The following CYP20A1 variants were observed in gnomAD, a reference collection of about 807,000 sequenced individuals.
CYP20A1 encodes cytochrome P450 20A1.
In CYP20A1, 61 loss-of-function variants were observed where a neutral mutation model predicts 61.4. The ratio of observed to expected loss-of-function variants is 0.99; its 90% CI spans 0.81 to 1.23. The LOEUF (loss-of-function observed/expected upper bound fraction) is 1.23. Among genes scored for constraint, CYP20A1 ranks in the 50% most tolerant of loss-of-function variants. CYP20A1 has a pLI of 0.00. For synonymous variants in CYP20A1, 193 were observed against 188.2 expected, an observed-to-expected ratio of 1.03 and a Z score of -0.21; for missense variants, 530 against 542.4, an observed-to-expected ratio of 0.98 and a Z score of 0.23.
chr2:203,280,340 C>T (rs925377815), intron 8 of CYP20A1, among the ~76,000 whole-genome samples: 5 of 152,060 alleles, frequency 3.3e-5, no homozygotes, highest in Admixed American at 6.6e-5. Context: ...GGATGAATCA[C>T]GAGGATGGAG....
In CYP20A1 at chr2:203,265,075, A is replaced by AT. The variant is rs575390545; in HGVS notation, c.433-1435dup. 3.4e-4 allele frequency among the ~76,000 whole-genome samples: 52 copies of AT among 152,104 alleles called. 1 individual carries two copies. The South Asian group carries it at 0.011, about 32-fold the overall frequency. On this transcript the variant is annotated intron_variant, in intron 4 of 12. Coordinates refer to ENST00000356079, the MANE Select transcript of CYP20A1 (RefSeq NM_177538.3). Reference sequence around the variant, plus strand: ...ATAATAAAATATTTTTGAGTATTCCATTTTCTCTGTTAGCTTATTAGTTAC... The same window carrying AT: ...ATAATAAAATATTTTTGAGTATTCCATTTTTCTCTGTTAGCTTATTAGTTAC...
intron 1 of CYP20A1, among the ~76,000 whole-genome samples, chr2:203,240,515 A>G (rs2066219317): frequency 1.3e-5 from 2 of 152,206 alleles, no homozygotes; most frequent in South Asian, 2.1e-4. Context: ...AACAAATAAC[A>G]TAGGATTGTG....
At chr2:203,268,151 A>G (rs2067411845) in intron 5 of CYP20A1, among the ~76,000 whole-genome samples, 1 of 152,086 alleles carries the variant, frequency 6.6e-6, no homozygotes, top group African/African-American at 2.4e-5. Flanking sequence ...TCCTCAAACC[A>G]TTTGAGAGTA....
intron 5 of CYP20A1, among the ~76,000 whole-genome samples, chr2:203,266,896 G>A (rs193237201): frequency 2.0e-5 from 3 of 152,042 alleles, no homozygotes; most frequent in Non-Finnish European, 1.5e-5. Context: ...CATGAGAATC[G>A]CTTGAACCTG....
chr2:203,246,661 C>T, intron 2 of CYP20A1, 94 bp from the exon 3 acceptor site: 1 of 1,129,434 alleles, frequency 8.9e-7, no homozygotes, highest in Non-Finnish European at 1.2e-6. Context: ...CCTTTGTTCT[C>T]ATTTATTGAT....
Position 203,251,968 on chromosome 2 carries a change from G to T in CYP20A1, c.291G>T (p.Ser97=). Residue 97 remains serine, a splice_region_variant and synonymous_variant, in exon 4 of 13, where the codon TCG becomes TCT. Coordinates refer to ENST00000356079, the MANE Select transcript of CYP20A1 (RefSeq NM_177538.3). ...LKQHINPNKT[S]DPFETMLKSL... Reference sequence around the variant, plus strand: ...AAATATTTAATTTGTCTGTTTCAGCGGACCCTTTTGAAACCATGCTGAAGT... The same window carrying T: ...AAATATTTAATTTGTCTGTTTCAGCTGACCCTTTTGAAACCATGCTGAAGT... 2 of 1,551,484 alleles carry T rather than the reference G, an allele frequency of 1.3e-6. No individual in the cohort carries two copies. The highest frequency in any genetic ancestry group is 1.2e-5 in the South Asian group (1 of 80,858).
rs911029643 is a variant in CYP20A1, at chr2:203,246,940, C to G, written c.289+19C>G. Reference sequence around the variant, plus strand: ...AAGACATGTAAGTTTAATTTTCTTTCTAATTACCTGATCCTTACCTTTTAA... The same window carrying G: ...AAGACATGTAAGTTTAATTTTCTTTGTAATTACCTGATCCTTACCTTTTAA... On this transcript the variant is annotated intron_variant, in intron 3 of 12. Transcript: ENST00000356079. 8 of 1,608,424 alleles carry G rather than the reference C, an allele frequency of 5.0e-6. No individual in the cohort carries two copies. In the African/African-American group the frequency reaches 9.4e-5, roughly 19 times the overall value.
intron 4 of CYP20A1, among the ~76,000 whole-genome samples, chr2:203,263,563 C>T (rs779422504): frequency 2.0e-5 from 3 of 152,164 alleles, no homozygotes; most frequent in Admixed American, 1.3e-4. Context: ...GCTGGAATTA[C>T]CGGCGTGAGC....
chr2:203,271,530 T>C (rs1559097940), intron 5 of CYP20A1, among the ~76,000 whole-genome samples: 1 of 152,188 alleles, frequency 6.6e-6, no homozygotes, highest in Non-Finnish European at 1.5e-5. Flanking sequence ...CTAAATTCTT[T>C]TTAGAACTTT....
At chr2:203,253,253 G>T (rs182109383) in intron 4 of CYP20A1, among the ~76,000 whole-genome samples, 2 of 152,136 alleles carry the variant, frequency 1.3e-5, no homozygotes, top group African/African-American at 4.8e-5. Context: ...TTGTCCTATA[G>T]CCCCTCTTTA....
At chr2:203,249,642 C>T (rs1242979601) in intron 3 of CYP20A1, among the ~76,000 whole-genome samples, 2 of 151,970 alleles carry the variant, frequency 1.3e-5, no homozygotes, top group East Asian at 1.9e-4. Flanking sequence ...GTCAGGAGTT[C>T]GAGACCAGCC....
intron 4 of CYP20A1, among the ~76,000 whole-genome samples, chr2:203,263,525 T>C (rs1368169171): frequency 6.6e-6 from 1 of 151,746 alleles, no homozygotes; most frequent in African/African-American, 2.4e-5. Context: ...CCTGACCTCA[T>C]GATCTGCCCG....
intron 11 of CYP20A1, among the ~76,000 whole-genome samples, chr2:203,293,759 C>T (rs140653782): frequency 6.6e-6 from 1 of 152,120 alleles, no homozygotes; most frequent in Admixed American, 6.6e-5. Flanking sequence ...TATGTCTTTA[C>T]GTCCTCATAC....
chr2:203,263,834 G>A (rs1361920854), intron 4 of CYP20A1, among the ~76,000 whole-genome samples: 1 of 152,000 alleles, frequency 6.6e-6, no homozygotes, highest in Admixed American at 6.6e-5. Flanking sequence ...CCTGCATATG[G>A]TTGTTTTTGG....
chr2:203,267,676 C>G (rs1401694732), intron 5 of CYP20A1, among the ~76,000 whole-genome samples: 1 of 151,790 alleles, frequency 6.6e-6, no homozygotes, highest in East Asian at 1.9e-4. Flanking sequence ...AACCCCGTCT[C>G]TACTAAAAAA....
intron 4 of CYP20A1, 44 bp from the exon 5 acceptor site, chr2:203,266,470 G>C: frequency 6.4e-7 from 1 of 1,554,026 alleles, no homozygotes. Flanking sequence ...CTGAGATTTA[G>C]AAAGAAGAAA....
At chr2:203,283,360 G>A (rs1489876105) in intron 8 of CYP20A1, among the ~76,000 whole-genome samples, 1 of 150,206 alleles carries the variant, frequency 6.7e-6, no homozygotes, top group African/African-American at 2.4e-5. Context: ...GGGACTACAG[G>A]CGCCCACTAC....
chr2:203,246,645 C>A, intron 2 of CYP20A1, 110 bp from the exon 3 acceptor site: 1 of 1,115,594 alleles, frequency 9.0e-7, no homozygotes, highest in Non-Finnish European at 1.3e-6. Context: ...ATTTGAATTT[C>A]ATGAACCTTT....
chr2:203,245,050 GAT>G (rs1172071430), intron 1 of CYP20A1, among the ~76,000 whole-genome samples: 4 of 119,232 alleles, frequency 3.4e-5, no homozygotes, highest in African/African-American at 1.4e-4. Context: ...TTTTTTTTGA[GAT>G]AGAGTCTTGC....
Sources: gnomAD v4.1 joint callset for allele counts (sites outside exome capture counted in the v4.1 genomes callset) on GRCh38, gnomAD v4.1.1 for gene constraint, MANE v1.5 for transcripts, NCBI Gene and HGNC (gene_info 2026-07-23, HGNC 2026-07-21) for gene names.